The following PTPRT variants were observed in gnomAD, a reference collection of about 807,000 sequenced individuals.
The protein encoded by PTPRT is protein tyrosine phosphatase receptor type T.
A neutral mutation model predicts 176.8 loss-of-function variants in PTPRT; 56 were observed. The ratio of observed to expected loss-of-function variants is 0.32; its 90% CI spans 0.26 to 0.40. PTPRT has a LOEUF of 0.40. Among genes scored for constraint, PTPRT ranks in the 10% least tolerant of loss-of-function variants. The pLI, the probability that PTPRT is intolerant of heterozygous loss-of-function variation, is 1.00. For missense variants in PTPRT, 1,540 were observed against 1,908.2 expected, an observed-to-expected ratio of 0.81 and a Z score of 3.60; for synonymous variants, 783 against 739.0, an observed-to-expected ratio of 1.06 and a Z score of -0.96.
chr20:42,530,887 G>A (rs1345102547), intron 7 of PTPRT, among the ~76,000 whole-genome samples: 5 of 152,152 alleles, frequency 3.3e-5, no homozygotes, highest in East Asian at 1.9e-4. Flanking sequence ...AGTGGTTTCC[G>A]GAGAAACATG....
intron 6 of PTPRT, among the ~76,000 whole-genome samples, chr20:42,727,152 A>G (rs1047049478): frequency 6.6e-6 from 1 of 152,212 alleles, no homozygotes; most frequent in Non-Finnish European, 1.5e-5. Context: ...GGGGAACCTC[A>G]GATGGCCTTG....
At chr20:42,494,529 G>A (rs886754628) in intron 7 of PTPRT, among the ~76,000 whole-genome samples, 3 of 152,114 alleles carry the variant, frequency 2.0e-5, no homozygotes, top group Admixed American at 6.6e-5. Context: ...CATCAAAGAG[G>A]CATTCCATGA....
At chr20:42,203,494 T>C (rs1224601285) in intron 15 of PTPRT, among the ~76,000 whole-genome samples, 1 of 152,158 alleles carries the variant, frequency 6.6e-6, no homozygotes, top group African/African-American at 2.4e-5. Context: ...ATACTCCATA[T>C]TCCTTGATGT....
At chr20:42,742,079 T>G (rs1437493046) in intron 6 of PTPRT, among the ~76,000 whole-genome samples, 1 of 151,696 alleles carries the variant, frequency 6.6e-6, no homozygotes, top group African/African-American at 2.4e-5. Context: ...CAGAGATGAG[T>G]GCAGATGTGC....
At chr20:42,810,782 T>C (rs1442630356) in intron 2 of PTPRT, among the ~76,000 whole-genome samples, 1 of 152,204 alleles carries the variant, frequency 6.6e-6, no homozygotes, top group Non-Finnish European at 1.5e-5. Context: ...CACTTCCACA[T>C]GGTGGAAAAA....
At chr20:42,374,063 C>G (rs1448509286) in intron 9 of PTPRT, among the ~76,000 whole-genome samples, 1 of 152,168 alleles carries the variant, frequency 6.6e-6, no homozygotes, top group Non-Finnish European at 1.5e-5. Context: ...AGGTGCAAGT[C>G]AGCACCTCTA....
intron 2 of PTPRT, among the ~76,000 whole-genome samples, chr20:42,794,816 T>C (rs68049): frequency 0.74 from 110,065 of 148,298 alleles, 40,618 homozygotes; most frequent in East Asian, 0.82. Flanking sequence ...TAGAATAGCC[T>C]AGGCAAAGGC....
At chr20:43,129,910 G>A (rs968407238) in intron 1 of PTPRT, among the ~76,000 whole-genome samples, 3 of 152,126 alleles carry the variant, frequency 2.0e-5, no homozygotes, top group Non-Finnish European at 4.4e-5. Flanking sequence ...GAGCCACCGC[G>A]CCCAGCCCAA....
intron 6 of PTPRT, among the ~76,000 whole-genome samples, chr20:42,683,009 G>A (rs1569080965): frequency 6.6e-6 from 1 of 152,302 alleles, no homozygotes; most frequent in East Asian, 1.9e-4. Context: ...AAGACGTGAA[G>A]TGAGCCTTGA....
chr20:42,743,797 C>G (rs144668526), intron 6 of PTPRT, among the ~76,000 whole-genome samples: 1 of 152,224 alleles, frequency 6.6e-6, no homozygotes, highest in Non-Finnish European at 1.5e-5. Flanking sequence ...CCCACAGCCA[C>G]CCCAACTGTT....
chr20:42,990,008 A>G (rs1175847986), intron 1 of PTPRT, among the ~76,000 whole-genome samples: 2 of 152,254 alleles, frequency 1.3e-5, no homozygotes, highest in African/African-American at 2.4e-5. Flanking sequence ...TTTGTTTCTT[A>G]TAGGCTTGTC....
At chr20:43,018,157 A>C (rs1371729528) in intron 1 of PTPRT, among the ~76,000 whole-genome samples, 1 of 152,200 alleles carries the variant, frequency 6.6e-6, no homozygotes, top group Admixed American at 6.5e-5. Context: ...AGGGTCCAAA[A>C]GGTCTGAAGA....
chr20:42,114,405 T>A (rs1032775408), intron 22 of PTPRT, among the ~76,000 whole-genome samples: 2 of 152,240 alleles, frequency 1.3e-5, no homozygotes, highest in African/African-American at 4.8e-5. Context: ...GTGTTAGCTA[T>A]CATTATGATA....
intron 1 of PTPRT, among the ~76,000 whole-genome samples, chr20:43,092,259 G>C (rs894426891): frequency 2.0e-5 from 3 of 152,142 alleles, no homozygotes; most frequent in Non-Finnish European, 4.4e-5. Flanking sequence ...TATCTGCCTG[G>C]GAGAAGGAAG....
Position 42,771,419 on chromosome 20 carries a change from C to T in PTPRT, c.684+16G>A. 6.3e-7 allele frequency: 1 copy of T among 1,598,320 alleles called. No homozygotes were observed. The highest frequency in any genetic ancestry group is 1.1e-5 in the South Asian group (1 of 90,744). ...TCATCCTAACGAGTCTGAGCAGAGG[C>T]TTCTCTCATGCTTACCTGGAGCCAA... On this transcript the variant is annotated intron_variant, in intron 5 of 30. Transcript: ENST00000373187.
intron 25 of PTPRT, among the ~76,000 whole-genome samples, chr20:42,102,569 T>C (rs1986049339): frequency 6.6e-6 from 1 of 152,128 alleles, no homozygotes; most frequent in African/African-American, 2.4e-5. Flanking sequence ...AGCCTCATAG[T>C]ACCTGCCAAC....
chr20:42,882,078 T>C (rs2079020519), intron 2 of PTPRT, among the ~76,000 whole-genome samples: 1 of 152,176 alleles, frequency 6.6e-6, no homozygotes, highest in South Asian at 2.1e-4. Context: ...GAGCTCGTCA[T>C]ACAAAGGGGA....
At chr20:42,853,202 A>G (rs763066131) in intron 2 of PTPRT, among the ~76,000 whole-genome samples, 1 of 152,196 alleles carries the variant, frequency 6.6e-6, no homozygotes, top group Non-Finnish European at 1.5e-5. Flanking sequence ...TAATCAAGAA[A>G]ACTAAGCAGA....
chr20:42,692,810 A>T (rs1266935221), intron 6 of PTPRT, among the ~76,000 whole-genome samples: 1 of 152,226 alleles, frequency 6.6e-6, no homozygotes, highest in African/African-American at 2.4e-5. Flanking sequence ...AGTTCCATAG[A>T]TTAAATATAA....
Sources: allele counts gnomAD v4.1 joint callset (sites outside exome capture counted in the v4.1 genomes callset), GRCh38; gene constraint gnomAD v4.1.1; transcripts MANE v1.5; gene names NCBI Gene and HGNC (gene_info 2026-07-23, HGNC 2026-07-21).